Variants in TBC1D22A observed in about 807,000 individuals in gnomAD.
TBC1D22A encodes the protein putative GTPase activator.
Under a neutral mutation model 60.2 loss-of-function variants are expected in TBC1D22A, and 38 were observed. That is an observed-to-expected ratio of 0.63 (90% CI 0.49 to 0.83). TBC1D22A has a LOEUF of 0.83. Ranked by LOEUF, TBC1D22A falls within the 40% of genes least tolerant of loss-of-function variation. The probability of loss-of-function intolerance (pLI) is 0.00; values close to 1 mark genes in which losing one functional copy is unlikely to be tolerated. For synonymous variants in TBC1D22A, 302 were observed against 281.7 expected (o/e 1.07, Z -0.72); for missense variants, 628 against 701.0 (o/e 0.90, Z 1.18).
intron 4 of TBC1D22A, among the ~76,000 whole-genome samples, chr22:46,848,544 C>T (rs1027499779): frequency 3.9e-5 from 6 of 152,210 alleles, no homozygotes; most frequent in Admixed American, 1.3e-4. Context: ...GTCGACCAAC[C>T]GTTTGCAGCC....
chr22:46,878,609 C>G, intron 4 of TBC1D22A, 44 bp from the exon 5 acceptor site: 3 of 1,591,882 alleles, frequency 1.9e-6, no homozygotes, highest in Non-Finnish European at 2.6e-6. Flanking sequence ...GTTTGCTAAC[C>G]TTTTGCAAAT....
intron 9 of TBC1D22A, among the ~76,000 whole-genome samples, chr22:46,986,005 C>T (rs1395895847): frequency 6.6e-6 from 1 of 152,162 alleles, no homozygotes; most frequent in African/African-American, 2.4e-5. Flanking sequence ...CTCCACAATG[C>T]CAACATATAC....
intron 12 of TBC1D22A, among the ~76,000 whole-genome samples, chr22:47,150,011 G>A (rs2067440199): frequency 6.6e-6 from 1 of 152,088 alleles, no homozygotes; most frequent in East Asian, 1.9e-4. Context: ...AGCGGGGCTG[G>A]GCCTGTGCAC....
chr22:47,024,571 C>T (rs989452536), intron 10 of TBC1D22A, among the ~76,000 whole-genome samples: 1 of 152,056 alleles, frequency 6.6e-6, no homozygotes, highest in African/African-American at 2.4e-5. Flanking sequence ...AGTTTCCATA[C>T]TTTAGGGCAT....
chr22:46,901,541 T>A (rs5769218), intron 7 of TBC1D22A, among the ~76,000 whole-genome samples: 108,321 of 152,146 alleles, frequency 0.71, 38,660 homozygotes, highest in Middle Eastern at 0.81. Flanking sequence ...ATGTGGCATT[T>A]CTGCTCATCG....
At chr22:47,039,109 A>T (rs1603116244) in intron 11 of TBC1D22A, among the ~76,000 whole-genome samples, 1 of 152,342 alleles carries the variant, frequency 6.6e-6, no homozygotes, top group African/African-American at 2.4e-5. Flanking sequence ...CAGAAAATGG[A>T]TCGGCTTGCC....
chr22:46,998,557 A>T (rs966099517), intron 10 of TBC1D22A, among the ~76,000 whole-genome samples: 5 of 152,228 alleles, frequency 3.3e-5, no homozygotes, highest in African/African-American at 1.2e-4. Context: ...CTGCCCGCTG[A>T]GCGTTGCCGG....
chr22:46,915,427 G>C, intron 8 of TBC1D22A: 1 of 456,578 alleles, frequency 2.2e-6, no homozygotes, highest in Non-Finnish European at 4.4e-6. Context: ...CTGTGGTTTC[G>C]ACACCTGAGC....
chr22:46,864,356 T>TC (rs1178929767), intron 4 of TBC1D22A, among the ~76,000 whole-genome samples: 2 of 152,208 alleles, frequency 1.3e-5, no homozygotes, highest in Non-Finnish European at 2.9e-5. Flanking sequence ...CGGTTTGGGC[T>TC]CCAGGGTCCT....
chr22:46,910,322 G>C (rs923996080), intron 7 of TBC1D22A, among the ~76,000 whole-genome samples: 1 of 152,042 alleles, frequency 6.6e-6, no homozygotes, highest in Non-Finnish European at 1.5e-5. Context: ...TTCACCTGTC[G>C]GTCCCAGGTC....
chr22:47,064,609 C>T (rs943382968), intron 11 of TBC1D22A, among the ~76,000 whole-genome samples: 1 of 152,236 alleles, frequency 6.6e-6, no homozygotes, highest in Non-Finnish European at 1.5e-5. Flanking sequence ...GTGCTCAGCA[C>T]TGCCCCCTCG....
At chr22:47,112,222 C>T (rs1490862349) in intron 12 of TBC1D22A, among the ~76,000 whole-genome samples, 1 of 152,258 alleles carries the variant, frequency 6.6e-6, no homozygotes, top group East Asian at 1.9e-4. Context: ...CCCGGGCACA[C>T]TGTGGACTGT....
intron 8 of TBC1D22A, among the ~76,000 whole-genome samples, chr22:46,957,900 C>T (rs1013670896): frequency 7.9e-5 from 12 of 152,164 alleles, no homozygotes; most frequent in African/African-American, 2.9e-4. Flanking sequence ...GATCCATTTG[C>T]AGATGATGGA....
chr22:46,946,605 T>G (rs136064), intron 8 of TBC1D22A, among the ~76,000 whole-genome samples: 58,153 of 152,152 alleles, frequency 0.38, 12,369 homozygotes, highest in African/African-American at 0.58. Context: ...CCTCTGGGAC[T>G]GTGCTTGCGT....
intron 1 of TBC1D22A, among the ~76,000 whole-genome samples, chr22:46,764,919 A>T (rs1432033958): frequency 6.6e-6 from 1 of 152,186 alleles, no homozygotes; most frequent in Non-Finnish European, 1.5e-5. Flanking sequence ...AAACTGAGAG[A>T]GAATAAGTGT....
chr22:46,810,861 C>T (rs936559554), intron 4 of TBC1D22A, among the ~76,000 whole-genome samples: 1 of 152,208 alleles, frequency 6.6e-6, no homozygotes, highest in African/African-American at 2.4e-5. Context: ...TCAGATTCCT[C>T]CTGGGAGATA....
At chr22:46,843,176 G>C (rs1363206705) in intron 4 of TBC1D22A, among the ~76,000 whole-genome samples, 1 of 152,204 alleles carries the variant, frequency 6.6e-6, no homozygotes, top group Non-Finnish European at 1.5e-5. Context: ...TCTGCTGCTC[G>C]CCTTTAGCTC....
chr22:46,886,196 G>A (rs181615415), intron 5 of TBC1D22A, among the ~76,000 whole-genome samples: 61 of 152,318 alleles, frequency 4.0e-4, no homozygotes, highest in African/African-American at 1.4e-3. Flanking sequence ...GCCGCGCCCG[G>A]CCAGTCACTG....
At chr22:46,898,663 GCTGGGGTGCAC>G (rs1410797112) in intron 7 of TBC1D22A, among the ~76,000 whole-genome samples, 1 of 152,162 alleles carries the variant, frequency 6.6e-6, no homozygotes, top group African/African-American at 2.4e-5. Flanking sequence ...TGTCTGGTGG[GCTGGGGTGCAC>G]CTGTGAACAT....
Sources: allele counts gnomAD v4.1 joint callset (sites outside exome capture counted in the v4.1 genomes callset), GRCh38; gene constraint gnomAD v4.1.1; transcripts MANE v1.5; gene names NCBI Gene and HGNC (gene_info 2026-07-23, HGNC 2026-07-21).